Variants in LRFN5 observed in about 807,000 individuals in gnomAD.
LRFN5 encodes leucine rich repeat and fibronectin type III domain containing 5.
A neutral mutation model predicts 45.6 loss-of-function variants in LRFN5; 24 were observed. The observed-to-expected ratio is 0.53, with a 90% CI of 0.38 to 0.74. The LOEUF (loss-of-function observed/expected upper bound fraction) is 0.74. Among genes scored for constraint, LRFN5 ranks in the 30% least tolerant of loss-of-function variants. LRFN5 has a pLI of 0.00. For synonymous variants in LRFN5, 340 were observed against 313.8 expected, an observed-to-expected ratio of 1.08 and a Z score of -0.88; for missense variants, 776 against 861.5, an observed-to-expected ratio of 0.90 and a Z score of 1.24.
At chr14:41,650,684 A>C (rs1327511365) in intron 1 of LRFN5, among the ~76,000 whole-genome samples, 4 of 152,120 alleles carry the variant, frequency 2.6e-5, no homozygotes, top group Non-Finnish European at 5.9e-5. Context: ...ATATGGGAAT[A>C]TTTATAAAGA....
At position 41,898,940 on chromosome 14, in the gene LRFN5, C is replaced by T; in HGVS notation, c.2122C>T (p.Gln708Ter). 1 of 1,610,752 alleles carries T rather than the reference C, an allele frequency of 6.2e-7. No homozygotes were observed. The highest frequency in any genetic ancestry group is 8.5e-7 in the Non-Finnish European group (1 of 1,178,496). The change falls in exon 5 of 6, where the codon CAG becomes TAG. Residue 708 changes from glutamine (Q) to a stop codon, truncating the protein, a stop_gained. Coordinates refer to ENST00000298119, the MANE Select transcript of LRFN5 (RefSeq NM_152447.5). LOFTEE classifies it high-confidence loss of function. ...KPNALLTNVD[Q>*]IVQETQRLEL... ...AGATGCTTTGCTGACTAATGTTGACCAGATTGTCCAGGAAACACAGGTGAG... is the reference window on the plus strand; with the variant it reads ...AGATGCTTTGCTGACTAATGTTGACTAGATTGTCCAGGAAACACAGGTGAG...
At chr14:41,893,580 G>A (rs2139166653) in intron 4 of LRFN5, 1 of 985,246 alleles carries the variant, frequency 1.0e-6, no homozygotes, top group Non-Finnish European at 1.2e-6. Context: ...TACCACTTAA[G>A]ACACAAGTGA....
intron 4 of LRFN5, chr14:41,894,759 A>T (rs1890886173): frequency 6.1e-6 from 6 of 983,314 alleles, no homozygotes; most frequent in Non-Finnish European, 7.2e-6. Flanking sequence ...GCCATGGAGT[A>T]AGGTGTGGAA....
At chr14:41,817,785 A>G (rs1227923613) in intron 2 of LRFN5, among the ~76,000 whole-genome samples, 2 of 152,170 alleles carry the variant, frequency 1.3e-5, no homozygotes, top group Non-Finnish European at 2.9e-5. Context: ...ACAAAAGGGT[A>G]AGGGCCCCTG....
At chr14:41,842,273 C>G (rs1166841702) in intron 2 of LRFN5, among the ~76,000 whole-genome samples, 1 of 152,056 alleles carries the variant, frequency 6.6e-6, no homozygotes, top group Admixed American at 6.5e-5. Flanking sequence ...AAACTATTAT[C>G]TAAGTCAGCA....
chr14:41,633,245 A>G (rs1395933293), intron 1 of LRFN5, among the ~76,000 whole-genome samples: 1 of 152,072 alleles, frequency 6.6e-6, no homozygotes, highest in Admixed American at 6.6e-5. Context: ...ATATAGTACT[A>G]TAATATATAT....
At chr14:41,858,068 T>C (rs1232317851) in intron 2 of LRFN5, among the ~76,000 whole-genome samples, 1 of 152,210 alleles carries the variant, frequency 6.6e-6, no homozygotes, top group Non-Finnish European at 1.5e-5. Flanking sequence ...GCAAATGTTA[T>C]TATATTAAGA....
At chr14:41,650,262 C>CA (rs1462944383) in intron 1 of LRFN5, among the ~76,000 whole-genome samples, 2 of 135,466 alleles carry the variant, frequency 1.5e-5, no homozygotes, top group African/African-American at 2.9e-5. Flanking sequence ...CACACACACA[C>CA]ACACAAAAAA....
At chr14:41,765,881 A>G (rs541633494) in intron 1 of LRFN5, among the ~76,000 whole-genome samples, 2 of 152,280 alleles carry the variant, frequency 1.3e-5, no homozygotes, top group South Asian at 2.1e-4. Context: ...CTTTTTAAAT[A>G]AATTCCTAAT....
chr14:41,650,142 C>T (rs1405445770), intron 1 of LRFN5, among the ~76,000 whole-genome samples: 6 of 151,750 alleles, frequency 4.0e-5, no homozygotes, highest in Admixed American at 2.0e-4. Context: ...CACCTGTAAT[C>T]CCAGCACTTT....
At chr14:41,609,462 G>C (rs575118070) in intron 1 of LRFN5, among the ~76,000 whole-genome samples, 1 of 152,168 alleles carries the variant, frequency 6.6e-6, no homozygotes, top group East Asian at 1.9e-4. Flanking sequence ...GTTAAAATGA[G>C]ATTTCCATGG....
chr14:41,904,332 C>T lies in LRFN5; in HGVS notation c.*157C>T, dbSNP rs1211656640. ...CCAAGGTGAAAGTCTCTGATGACGG[C>T]GGAACTGGCTCCATTAGACCATGGT... is the stretch of plus-strand genomic sequence containing the variant. On this transcript the variant is annotated 3_prime_UTR_variant, in exon 6 of 6. Coordinates refer to ENST00000298119, the MANE Select transcript of LRFN5 (RefSeq NM_152447.5). 5.7e-6 allele frequency: 5 copies of T among 873,972 alleles called. No individual in the cohort carries two copies. The highest frequency in any genetic ancestry group is 5.4e-6 in the Non-Finnish European group (3 of 553,712). 54.1% of individuals were successfully genotyped at this position (873,972 alleles called of 1,614,324 possible). A position where few individuals can be genotyped will look rare whatever the true frequency, so the allele number is the denominator to read the frequency against.
intron 1 of LRFN5, among the ~76,000 whole-genome samples, chr14:41,723,385 C>A (rs1883804875): frequency 6.6e-6 from 1 of 152,264 alleles, no homozygotes; most frequent in Non-Finnish European, 1.5e-5. Context: ...GTGGCTTGGG[C>A]TACTGAACCA....
chr14:41,776,211 T>C (rs1414139292), intron 2 of LRFN5, among the ~76,000 whole-genome samples: 1 of 152,192 alleles, frequency 6.6e-6, no homozygotes, highest in East Asian at 1.9e-4. Flanking sequence ...TCCTAAATAT[T>C]TGGGGACAAA....
intron 1 of LRFN5, among the ~76,000 whole-genome samples, chr14:41,648,477 A>C (rs1879926805): frequency 6.6e-6 from 1 of 152,172 alleles, no homozygotes; most frequent in Non-Finnish European, 1.5e-5. Context: ...AAAAATAAAA[A>C]TAAATAAAAA....
rs35633828 is a variant in LRFN5 at position 41,785,745 on chromosome 14, G to T, written c.-21+18716G>T. Among the ~76,000 whole-genome samples, 562 of 152,228 alleles carry T rather than the reference G, an allele frequency of 3.7e-3. 3 individuals are homozygous for T. Among genetic ancestry groups the T allele is most frequent in the Non-Finnish European group, 5.0e-3 (340 of 68,006 alleles). On this transcript the variant is annotated intron_variant, in intron 2 of 5. Coordinates refer to ENST00000298119, the MANE Select transcript of LRFN5 (RefSeq NM_152447.5). ...CTGTTTTCCTGCAACTGGACAGTCC[G>T]CTCTGGGAGTGATGGGAGACAGTGA...
chr14:41,889,792 T>G (rs775261281), intron 3 of LRFN5, among the ~76,000 whole-genome samples: 17 of 152,282 alleles, frequency 1.1e-4, no homozygotes, highest in East Asian at 7.7e-4. Context: ...CAGTTGCAAC[T>G]GAAGGAACAG....
At chr14:41,750,635 C>T (rs1885092141) in intron 1 of LRFN5, among the ~76,000 whole-genome samples, 1 of 152,022 alleles carries the variant, frequency 6.6e-6, no homozygotes, top group African/African-American at 2.4e-5. Context: ...TGTATTAGTC[C>T]ATTTTCAAAC....
chr14:41,639,967 T>TTA (rs1404282641), intron 1 of LRFN5, among the ~76,000 whole-genome samples: 2 of 144,636 alleles, frequency 1.4e-5, no homozygotes, highest in African/African-American at 5.1e-5. Flanking sequence ...TTTTTTTTTT[T>TTA]TTTTTTTTTT....
Sources: allele counts gnomAD v4.1 joint callset (sites outside exome capture counted in the v4.1 genomes callset), GRCh38; gene constraint gnomAD v4.1.1; transcripts MANE v1.5; gene names NCBI Gene and HGNC (gene_info 2026-07-23, HGNC 2026-07-21).